The following LIPH variants were observed in gnomAD, a reference collection of about 807,000 sequenced individuals.
LIPH encodes the protein lipase H, also known as lipase member H.
In LIPH, 32 loss-of-function variants were observed where a neutral mutation model predicts 47.6. The observed-to-expected ratio is 0.67, with a 90% CI of 0.51 to 0.90. The LOEUF is 0.90. Among genes scored for constraint, LIPH ranks in the 40% least tolerant of loss-of-function variants. The pLI is 0.00. For missense variants in LIPH, 497 were observed against 541.4 expected (o/e 0.92, Z 0.81); for synonymous variants, 190 against 195.6 (o/e 0.97, Z 0.24).
chr3:185,552,223 A>C (rs1560175609), intron 1 of LIPH, among the ~76,000 whole-genome samples, 200 bp downstream of exon 1: 1 of 149,980 alleles, frequency 6.7e-6, no homozygotes, highest in African/African-American at 2.4e-5. Flanking sequence ...AGGATGAGAA[A>C]GTTCATCTAA....
intron 3 of LIPH, among the ~76,000 whole-genome samples, chr3:185,528,469 C>A (rs1661444): frequency 0.91 from 137,901 of 152,118 alleles, 63,060 homozygotes; most frequent in East Asian, 0.99. Flanking sequence ...ATGCTAGCCC[C>A]TTTGATCCAT....
chr3:185,511,755 T>A (rs1273314804), intron 8 of LIPH, 58 bp from the exon 9 acceptor site: 2 of 1,249,096 alleles, frequency 1.6e-6, no homozygotes, highest in South Asian at 2.4e-5. Context: ...GAGAAAGCAG[T>A]TTTGAAGCCT....
At chr3:185,515,310 A>T (rs1169873201) in intron 7 of LIPH, among the ~76,000 whole-genome samples, 2 of 151,974 alleles carry the variant, frequency 1.3e-5, no homozygotes, top group African/African-American at 4.8e-5. Context: ...GTTTTTTTAA[A>T]AAAAAAAAAG....
intron 1 of LIPH, chr3:185,546,834 C>A: frequency 2.5e-6 from 1 of 396,966 alleles, no homozygotes; most frequent in Non-Finnish European, 4.8e-6. Flanking sequence ...ACAAAAAAAG[C>A]CTGTGCTGTC....
intron 3 of LIPH, among the ~76,000 whole-genome samples, chr3:185,528,862 A>T (rs191427300): frequency 1.1e-3 from 165 of 152,254 alleles, no homozygotes; most frequent in African/African-American, 3.6e-3. Context: ...CAAAATAAAG[A>T]TTAAACAACA....
chr3:185,515,122 C>T (rs1193216567), intron 7 of LIPH, among the ~76,000 whole-genome samples: 1 of 152,074 alleles, frequency 6.6e-6, no homozygotes, highest in East Asian at 1.9e-4. Flanking sequence ...CTTGAAGTTC[C>T]TGCCATACTC....
chr3:185,550,513 C>T (rs1029963426), intron 1 of LIPH, among the ~76,000 whole-genome samples: 1 of 152,118 alleles, frequency 6.6e-6, no homozygotes, highest in African/African-American at 2.4e-5. Flanking sequence ...CACAAGCCAT[C>T]TTGTGTTTTT....
rs764864944 is a variant in LIPH at position 185,527,479 on chromosome 3, G to T, written c.628+5C>A. On this transcript the variant is annotated splice_donor_5th_base_variant and intron_variant, in intron 4 of 9. Coordinates refer to ENST00000296252, the MANE Select transcript of LIPH (RefSeq NM_139248.3). ...GTCACTGACCCACAAGGAAAGGAGC[G>T]TTACCATCAGTGTCGGAATGGATGA... 33 of 1,598,198 alleles carry T rather than the reference G, an allele frequency of 2.1e-5. No individual in the cohort carries two copies. The highest frequency in any genetic ancestry group is 8.6e-7 in the Non-Finnish European group (1 of 1,166,294).
Position 185,508,833 on chromosome 3 carries a change from T to C in LIPH, c.1313A>G (p.Glu438Gly). 6.2e-7 allele frequency: 1 copy of C among 1,614,054 alleles called. No individual in the cohort carries two copies. The highest frequency in any genetic ancestry group is 1.1e-5 in the South Asian group (1 of 91,064). Residue 438 changes from glutamate (E) to glycine (G), a missense_variant, in exon 10 of 10, where the codon GAA (glutamate) becomes GGA (glycine). Glu to Gly is a moderately conservative substitution (Grantham distance 98). Coordinates refer to ENST00000296252, the MANE Select transcript of LIPH (RefSeq NM_139248.3). ...RYDLVLMENV[E>G]TVFQPILCPE... ...GCAAAGAATAGGTTGGAAGACTGTT[T>C]CAACGTTTTCCATCAGGACAAGATC...
At chr3:185,533,711 T>C in intron 2 of LIPH, 32 bp from the exon 3 acceptor site, 1 of 1,358,348 alleles carries the variant, frequency 7.4e-7, no homozygotes, top group Non-Finnish European at 1.1e-6. Context: ...CATTGTAAAT[T>C]GTAAGGGGCC....
intron 4 of LIPH, among the ~76,000 whole-genome samples, chr3:185,525,757 G>T (rs1254345340): frequency 1.3e-5 from 2 of 152,138 alleles, no homozygotes. Context: ...AAAATAAATT[G>T]CTCTATCCTA....
chr3:185,515,276 T>C (rs1719694193), intron 7 of LIPH, among the ~76,000 whole-genome samples: 1 of 151,028 alleles, frequency 6.6e-6, no homozygotes. Context: ...TCTATACAAA[T>C]GTTACCTGAA....
intron 5 of LIPH, among the ~76,000 whole-genome samples, chr3:185,523,359 A>G (rs1443195135): frequency 6.6e-6 from 1 of 152,166 alleles, no homozygotes; most frequent in Non-Finnish European, 1.5e-5. Flanking sequence ...TTTGTTTTCT[A>G]TTAAAAATTA....
rs891651262 is a variant in LIPH at position 185,508,315 on chromosome 3, T to C, written c.*475A>G. 6 of 170,152 alleles carry C rather than the reference T, an allele frequency of 3.5e-5. No individual in the cohort carries two copies. The highest frequency in any genetic ancestry group is 5.5e-5 in the Admixed American group (1 of 18,262). 10.5% of individuals were successfully genotyped at this position (170,152 alleles called of 1,614,324 possible). A position where few individuals can be genotyped will look rare whatever the true frequency, so the allele number is the denominator to read the frequency against. ...AAAAAACCCTTCATAGATTTTTGCC[T>C]CCCAAACCCACACAGCAGCCCCATG... On this transcript the variant is annotated 3_prime_UTR_variant, in exon 10 of 10. Coordinates refer to ENST00000296252, the MANE Select transcript of LIPH (RefSeq NM_139248.3).
intron 3 of LIPH, among the ~76,000 whole-genome samples, chr3:185,531,982 G>T (rs1720344747): frequency 6.6e-6 from 1 of 152,094 alleles, no homozygotes; most frequent in Non-Finnish European, 1.5e-5. Flanking sequence ...TGGGATTACA[G>T]GCATGAGCTA....
chr3:185,511,418 A>G (rs954932916), intron 9 of LIPH, 106 bp downstream of exon 9: 7 of 1,053,218 alleles, frequency 6.6e-6, no homozygotes, highest in African/African-American at 3.1e-5. Flanking sequence ...CATGTCCCTC[A>G]TTGTGAATAA....
intron 7 of LIPH, among the ~76,000 whole-genome samples, chr3:185,516,057 C>A (rs1296550474): frequency 6.6e-6 from 1 of 152,082 alleles, no homozygotes. Context: ...TTGCTTGAGT[C>A]CAGGAGGTTG....
chr3:185,524,047 AT>A, intron 5 of LIPH, 23 bp downstream of exon 5: 1 of 1,550,218 alleles, frequency 6.5e-7, no homozygotes, highest in East Asian at 2.2e-5. Context: ...TTATACCACT[AT>A]TTTACAAAAT....
intron 9 of LIPH, among the ~76,000 whole-genome samples, chr3:185,510,018 C>G (rs1333344800): frequency 6.7e-6 from 1 of 148,684 alleles, no homozygotes; most frequent in Non-Finnish European, 1.5e-5. Flanking sequence ...ACGATCTCGG[C>G]TCACCACAAC....
Sources: allele counts gnomAD v4.1 joint callset (sites outside exome capture counted in the v4.1 genomes callset), GRCh38; gene constraint gnomAD v4.1.1; transcripts MANE v1.5; gene names NCBI Gene and HGNC (gene_info 2026-07-23, HGNC 2026-07-21).